The following NAV3 variants were observed in gnomAD, a reference collection of about 807,000 sequenced individuals.
The protein encoded by NAV3 is pore membrane and/or filament interacting like protein 1.
In NAV3, 87 loss-of-function variants were observed where a neutral mutation model predicts 244.7. The ratio of observed to expected loss-of-function variants is 0.36; its 90% CI spans 0.30 to 0.42. The LOEUF is 0.42. NAV3 is among the 20% of genes least tolerant of loss of function. The pLI is 1.00. For missense variants in NAV3, 2,663 were observed against 2,893.3 expected, an observed-to-expected ratio of 0.92 and a Z score of 1.83; for synonymous variants, 1,126 against 1,042.2, an observed-to-expected ratio of 1.08 and a Z score of -1.55.
chr12:78,117,052 C>T, intron 13 of NAV3, 148 bp downstream of exon 13: 1 of 846,838 alleles, frequency 1.2e-6, no homozygotes, highest in Non-Finnish European at 1.7e-6. Context: ...CTCCCTTTGC[C>T]ACTCCTGAAC....
chr12:77,641,467 T>C (rs571449044), intron 2 of NAV3, among the ~76,000 whole-genome samples: 5 of 152,264 alleles, frequency 3.3e-5, no homozygotes, highest in African/African-American at 9.6e-5. Flanking sequence ...ATGAAAGATA[T>C]ACAGTTTTAA....
At chr12:77,654,060 G>C (rs1314592179) in intron 2 of NAV3, among the ~76,000 whole-genome samples, 2 of 152,192 alleles carry the variant, frequency 1.3e-5, no homozygotes, top group Non-Finnish European at 2.9e-5. Flanking sequence ...ATTTCCATCT[G>C]AGGTACCGGG....
At chr12:77,962,635 G>A (rs945169163) in intron 3 of NAV3, among the ~76,000 whole-genome samples, 1 of 151,862 alleles carries the variant, frequency 6.6e-6, no homozygotes, top group African/African-American at 2.4e-5. Context: ...CACCTGCCAC[G>A]AACCCCACCA....
intron 12 of NAV3, among the ~76,000 whole-genome samples, chr12:78,089,421 G>T (rs1197989767): frequency 6.6e-6 from 1 of 152,038 alleles, no homozygotes; most frequent in Non-Finnish European, 1.5e-5. Flanking sequence ...GTTTAAACAG[G>T]CATACTGGTA....
chr12:77,773,490 T>C (rs948651934), intron 2 of NAV3, among the ~76,000 whole-genome samples: 2 of 152,166 alleles, frequency 1.3e-5, no homozygotes, highest in African/African-American at 2.4e-5. Flanking sequence ...TTATATATGC[T>C]GGAGATATAC....
At chr12:78,015,135 A>G (rs1875966223) in intron 8 of NAV3, among the ~76,000 whole-genome samples, 1 of 151,990 alleles carries the variant, frequency 6.6e-6, no homozygotes, top group African/African-American at 2.4e-5. Flanking sequence ...AGATTGCCTA[A>G]CCAAACCATT....
intron 38 of NAV3, 43 bp downstream of exon 38, chr12:78,200,634 AAAGC>A: frequency 8.0e-7 from 1 of 1,254,860 alleles, no homozygotes; most frequent in Non-Finnish European, 1.1e-6. Flanking sequence ...TTAAAAAAAA[AAAGC>A]AAAAAAAATT....
At chr12:77,617,545 T>G (rs1199236687) in intron 2 of NAV3, among the ~76,000 whole-genome samples, 1 of 152,176 alleles carries the variant, frequency 6.6e-6, no homozygotes, top group Non-Finnish European at 1.5e-5. Context: ...TGCAGTAACA[T>G]ACCAATATAC....
intron 5 of NAV3, among the ~76,000 whole-genome samples, chr12:77,970,103 G>T (rs1593155239): frequency 1.3e-5 from 2 of 152,088 alleles, no homozygotes; most frequent in African/African-American, 4.8e-5. Context: ...AACAATGACT[G>T]GGGTATTGGT....
intron 2 of NAV3, among the ~76,000 whole-genome samples, chr12:77,575,646 A>G (rs937494041): frequency 1.3e-5 from 2 of 152,208 alleles, no homozygotes; most frequent in African/African-American, 4.8e-5. Flanking sequence ...CTCAATAGTT[A>G]CAAATGATAC....
At chr12:77,918,759 T>C (rs1386520302) in intron 1 of NAV3, among the ~76,000 whole-genome samples, 3 of 152,048 alleles carry the variant, frequency 2.0e-5, no homozygotes, top group Non-Finnish European at 2.9e-5. Flanking sequence ...GGTTTGTTCA[T>C]ATGTCAGCTC....
chr12:78,164,737 A>G (rs1957707663), intron 23 of NAV3, among the ~76,000 whole-genome samples: 1 of 152,042 alleles, frequency 6.6e-6, no homozygotes. Context: ...GGAGTGGGGA[A>G]AGGAGGACCT....
chr12:77,669,415 G>C (rs1247736071), intron 2 of NAV3, among the ~76,000 whole-genome samples: 1 of 152,066 alleles, frequency 6.6e-6, no homozygotes. Flanking sequence ...AGACAGAGTG[G>C]ATAAGAATTC....
At chr12:78,081,656 T>C (rs1164951190) in intron 12 of NAV3, among the ~76,000 whole-genome samples, 1 of 152,128 alleles carries the variant, frequency 6.6e-6, no homozygotes, top group Non-Finnish European at 1.5e-5. Context: ...GGAGAGAGGC[T>C]CATCTGAGGT....
intron 2 of NAV3, among the ~76,000 whole-genome samples, chr12:77,787,259 A>T (rs963106998): frequency 6.6e-6 from 1 of 152,166 alleles, no homozygotes; most frequent in Non-Finnish European, 1.5e-5. Flanking sequence ...TTCTGATTTC[A>T]TAAGCTTCCA....
intron 2 of NAV3, among the ~76,000 whole-genome samples, chr12:77,582,750 G>A (rs530814559): frequency 6.6e-6 from 1 of 152,222 alleles, no homozygotes; most frequent in South Asian, 2.1e-4. Context: ...TTGCTCTCCT[G>A]TAGTGAAGCA....
intron 1 of NAV3, among the ~76,000 whole-genome samples, chr12:77,896,864 G>C (rs1422791484): frequency 6.6e-6 from 1 of 152,144 alleles, no homozygotes; most frequent in Non-Finnish European, 1.5e-5. Flanking sequence ...ACTTTAAACT[G>C]TCTGGGCCAA....
intron 2 of NAV3, among the ~76,000 whole-genome samples, chr12:77,753,058 A>G (rs1868943174): frequency 6.6e-6 from 1 of 152,210 alleles, no homozygotes; most frequent in Non-Finnish European, 1.5e-5. Flanking sequence ...CTTCAGTCAT[A>G]TTTTATGAAT....
chr12:78,127,295 A>G, intron 17 of NAV3, 87 bp downstream of exon 17: 2 of 1,312,886 alleles, frequency 1.5e-6, no homozygotes, highest in South Asian at 1.2e-5. Context: ...GTTTGTTTGC[A>G]ATGTAGCACA....
Sources: allele counts gnomAD v4.1 joint callset (sites outside exome capture counted in the v4.1 genomes callset), GRCh38; gene constraint gnomAD v4.1.1; transcripts MANE v1.5; gene names NCBI Gene and HGNC (gene_info 2026-07-23, HGNC 2026-07-21).